BTAF1: variants seen among roughly 807,000 people sequenced by gnomAD.
The protein encoded by BTAF1 is TATA-binding protein-associated factor 172.
In BTAF1, 38 loss-of-function variants were observed where a neutral mutation model predicts 227.1. That is an observed-to-expected ratio of 0.17 (90% CI 0.13 to 0.22). BTAF1 has a LOEUF of 0.22. Ranked by LOEUF, BTAF1 falls within the 10% of genes least tolerant of loss-of-function variation. BTAF1 has a pLI of 1.00. For synonymous variants in BTAF1, 742 were observed against 751.9 expected (o/e 0.99, Z 0.21); for missense variants, 1,598 against 2,204.0 (o/e 0.73, Z 5.51).
At chr10:91,984,724 ACTT>A (rs1436587405) in intron 19 of BTAF1, among the ~76,000 whole-genome samples, 24 of 152,212 alleles carry the variant, frequency 1.6e-4, no homozygotes, top group African/African-American at 5.8e-4. Context: ...GTTCCTGAGT[ACTT>A]CTTCCTGCTC....
intron 35 of BTAF1, 46 bp from the exon 36 acceptor site, chr10:92,026,546 T>C (rs749099593): frequency 2.4e-5 from 35 of 1,471,270 alleles, no homozygotes; most frequent in African/African-American, 1.6e-4. Context: ...GTTTCTGTTA[T>C]AGGACTTAAG....
intron 18 of BTAF1, 126 bp downstream of exon 18, chr10:91,982,887 T>C: frequency 9.8e-7 from 1 of 1,021,690 alleles, no homozygotes; most frequent in South Asian, 2.0e-5. Flanking sequence ...TACAGAAAAG[T>C]GTCCAAATTA....
chr10:91,987,029 C>G (rs1014579339), intron 19 of BTAF1, among the ~76,000 whole-genome samples: 1 of 151,554 alleles, frequency 6.6e-6, no homozygotes, highest in African/African-American at 2.4e-5. Flanking sequence ...GCTGTCTACT[C>G]TCAGTCTTTC....
At chr10:91,959,288 TATC>T in intron 9 of BTAF1, 134 bp downstream of exon 9, 5 of 1,466,602 alleles carry the variant, frequency 3.4e-6, no homozygotes, top group Non-Finnish European at 4.5e-6. Context: ...AAAAGGTAAA[TATC>T]ATACAATGGA....
chr10:91,943,723 T>C (rs1366098540), intron 4 of BTAF1, among the ~76,000 whole-genome samples: 1 of 152,244 alleles, frequency 6.6e-6, no homozygotes, highest in Non-Finnish European at 1.5e-5. Context: ...TTTTCATTTA[T>C]ATCACTAAAT....
At chr10:91,955,232 G>T (rs1353444846) in intron 6 of BTAF1, among the ~76,000 whole-genome samples, 5 of 152,148 alleles carry the variant, frequency 3.3e-5, no homozygotes, top group African/African-American at 4.8e-5. Flanking sequence ...TTTAGCCAAA[G>T]ATTTGAATGT....
intron 3 of BTAF1, 59 bp downstream of exon 3, chr10:91,940,125 A>G: frequency 1.9e-6 from 2 of 1,066,262 alleles, no homozygotes; most frequent in Non-Finnish European, 1.4e-6. Context: ...ATTAATTATA[A>G]TATGCGTTTT....
At chr10:91,969,985 C>A (rs1847179464) in intron 14 of BTAF1, among the ~76,000 whole-genome samples, 1 of 151,586 alleles carries the variant, frequency 6.6e-6, no homozygotes, top group South Asian at 2.1e-4. Context: ...AATTCGCCTT[C>A]CAATTTTTAG....
intron 1 of BTAF1, among the ~76,000 whole-genome samples, chr10:91,932,687 C>T (rs1001611568): frequency 6.6e-6 from 1 of 152,146 alleles, no homozygotes; most frequent in Non-Finnish European, 1.5e-5. Flanking sequence ...GATGAGAATT[C>T]ATGTGGATTT....
chr10:91,999,891 A>C (rs552231566), intron 25 of BTAF1, among the ~76,000 whole-genome samples: 1 of 152,196 alleles, frequency 6.6e-6, no homozygotes, highest in Non-Finnish European at 1.5e-5. Context: ...TGATAAAGGT[A>C]TAAAGAAAAA....
chr10:91,942,430 T>G lies in BTAF1; in HGVS notation c.262T>G (p.Ser88Ala). Reference sequence around the variant, plus strand: ...TTTTAAACCTCATGTAGAACCTACTTCCGAAAGTTCTATGGAAGATTCACC... The same window carrying G: ...TTTTAAACCTCATGTAGAACCTACTGCCGAAAGTTCTATGGAAGATTCACC... ...PVPRTRQEPTSESSMEDSPTT... is the reference protein window; with the variant it reads ...PVPRTRQEPTAESSMEDSPTT... The change falls in exon 4 of 38, where the codon TCC becomes GCC. Residue 88 changes from serine (S) to alanine (A), a missense_variant. This residue lies in a region of BTAF1 where 298 missense variants were observed against 395.2 expected (regional missense o/e 0.75). Coordinates refer to ENST00000265990, the MANE Select transcript of BTAF1 (RefSeq NM_003972.3). The G allele has an allele frequency of 6.2e-7, 1 of 1,611,930 alleles. No individual in the cohort carries two copies. The highest frequency in any genetic ancestry group is 8.5e-7 in the Non-Finnish European group (1 of 1,178,566).
At chr10:91,996,331 C>G in intron 23 of BTAF1, 38 bp from the exon 24 acceptor site, 1 of 1,567,918 alleles carries the variant, frequency 6.4e-7, no homozygotes, top group South Asian at 1.1e-5. Context: ...AACAGTATTT[C>G]CTAATAATTC....
intron 19 of BTAF1, among the ~76,000 whole-genome samples, chr10:91,987,355 T>A (rs2792025): frequency 6.6e-6 from 1 of 151,580 alleles, no homozygotes; most frequent in South Asian, 2.1e-4. Flanking sequence ...TGGTGGTGGG[T>A]GCCTGTAGTC....
At chr10:91,948,478 C>T (rs1455741233) in intron 4 of BTAF1, among the ~76,000 whole-genome samples, 1 of 151,756 alleles carries the variant, frequency 6.6e-6, no homozygotes, top group Admixed American at 6.6e-5. Flanking sequence ...CACCCTTGAA[C>T]TCCTGGGCTC....
rs113031788 is a variant in BTAF1, at chr10:92,027,667, A to G, written c.5406+367A>G. On this transcript the variant is annotated intron_variant, in intron 37 of 37. Transcript: ENST00000265990. ...TGAGCTTCTATACCTATTTTACTACATGGTTGTGATGTAAGATTATATATG... is the reference window on the plus strand; with the variant it reads ...TGAGCTTCTATACCTATTTTACTACGTGGTTGTGATGTAAGATTATATATG... Among the ~76,000 whole-genome samples the G allele has an allele frequency of 3.3e-3, 500 of 152,216 alleles. 11 individuals carry two copies. Among genetic ancestry groups the G allele is most frequent in the African/African-American group, 0.012 (490 of 41,530 alleles).
In BTAF1 at chr10:91,962,672, A is replaced by G; in HGVS notation, c.1398A>G (p.Thr466=). The part of the protein sequence containing the change: ...PVVESLVYLQ[T]QKVPFIINTL... ...TAGAAAGCCTTGTCTATCTTCAGAC[A>G]CAAAAGGTAAATTAAATATTTTTAC... Residue 466 remains threonine (T), a synonymous_variant, in exon 12 of 38, where the codon ACA becomes ACG. Coordinates refer to ENST00000265990, the MANE Select transcript of BTAF1 (RefSeq NM_003972.3). 6.3e-7 allele frequency: 1 copy of G among 1,588,620 alleles called. No individual in the cohort carries two copies.
Position 92,008,335 on chromosome 10 carries a change from G to GT in BTAF1, c.3813+62dup, listed in dbSNP as rs977140728. The stretch of plus-strand genomic sequence containing the variant: ...ATGAACCTTGAAGCGTTGTGGGTTT[G>GT]TTGGGGGGGGCTTTTGTTTCTTTTT... On this transcript the variant is annotated intron_variant, in intron 26 of 37. Coordinates refer to ENST00000265990, the MANE Select transcript of BTAF1 (RefSeq NM_003972.3). 1.7e-5 allele frequency: 23 copies of GT among 1,390,848 alleles called. No homozygotes were observed. The African/African-American group carries it at 3.9e-4, about 24-fold the overall frequency. 86.2% of individuals were successfully genotyped at this position (1,390,848 alleles called of 1,614,324 possible).
intron 19 of BTAF1, among the ~76,000 whole-genome samples, chr10:91,984,925 T>G (rs1848303115): frequency 6.6e-6 from 1 of 152,190 alleles, no homozygotes; most frequent in African/African-American, 2.4e-5. Context: ...CGTTTCTAAG[T>G]AAGTTTCAGA....
At chr10:91,983,547 G>GT (rs1311710946) in intron 18 of BTAF1, among the ~76,000 whole-genome samples, 1 of 152,242 alleles carries the variant, frequency 6.6e-6, no homozygotes, top group East Asian at 1.9e-4. Flanking sequence ...TGGAGAGGCA[G>GT]TGATGCTATG....
Sources: allele counts gnomAD v4.1 joint callset (sites outside exome capture counted in the v4.1 genomes callset), GRCh38; gene constraint gnomAD v4.1.1; regional missense constraint gnomAD v4.1.1; transcripts MANE v1.5; gene names NCBI Gene and HGNC (gene_info 2026-07-23, HGNC 2026-07-21).